Variants in FBXO4 observed in about 807,000 individuals in gnomAD.
FBXO4 encodes F-box protein 4, also known as F-box only protein 4.
FBXO4 carries 36 observed loss-of-function variants against 43.7 expected under a neutral mutation model. The observed-to-expected ratio is 0.82, with a 90% CI of 0.63 to 1.09. FBXO4 has a LOEUF of 1.09. FBXO4 is among the 50% of genes least tolerant of loss of function. The probability of loss-of-function intolerance (pLI) is 0.00; values close to 1 mark genes in which losing one functional copy is unlikely to be tolerated. For synonymous variants in FBXO4, 180 were observed against 165.6 expected (o/e 1.09, Z -0.67); for missense variants, 435 against 474.1 (o/e 0.92, Z 0.77).
chr5:41,927,226 G>T lies in FBXO4; in HGVS notation c.403G>T (p.Ala135Ser). Residue 135 changes from alanine to serine, a missense_variant, in exon 2 of 7, where the codon GCA (alanine) becomes TCA (serine). Coordinates refer to ENST00000281623, the MANE Select transcript of FBXO4 (RefSeq NM_012176.3). ...KKPISEVTDGAFFDYMAVYRM... is the reference protein window; with the variant it reads ...KKPISEVTDGSFFDYMAVYRM... ...GCCTATATCTGAGGTCACTGATGGT[G>T]CATTTTTTGACTACATGGCAGTGTA... 1 of 1,603,344 alleles carries T rather than the reference G, an allele frequency of 6.2e-7. No homozygotes were observed. Among genetic ancestry groups the T allele is most frequent in the Non-Finnish European group, 8.5e-7 (1 of 1,176,920 alleles).
the FBXO4 span, among the ~76,000 whole-genome samples, chr5:42,002,863 C>T: frequency 6.6e-6 from 1 of 152,140 alleles, no homozygotes; most frequent in Non-Finnish European, 1.5e-5. Context: ...TCAGTATACT[C>T]ATGCCCTGGT....
chr5:41,970,288 C>A, the FBXO4 span, among the ~76,000 whole-genome samples: 1 of 151,944 alleles, frequency 6.6e-6, no homozygotes. Flanking sequence ...TATATCTTTA[C>A]CTTGGCTAGA....
the FBXO4 span, among the ~76,000 whole-genome samples, chr5:42,005,051 T>G: frequency 1.3e-5 from 2 of 152,156 alleles, no homozygotes; most frequent in African/African-American, 4.8e-5. Flanking sequence ...GGTAATATAA[T>G]GCTTCTCTCT....
At chr5:41,975,522 G>A in the FBXO4 span, among the ~76,000 whole-genome samples, 3 of 152,032 alleles carry the variant, frequency 2.0e-5, no homozygotes, top group Non-Finnish European at 4.4e-5. Context: ...GAGTATATAT[G>A]GTATATAGTT....
chr5:41,999,397 T>C, the FBXO4 span, among the ~76,000 whole-genome samples: 2 of 143,860 alleles, frequency 1.4e-5, no homozygotes, highest in Non-Finnish European at 3.0e-5. Flanking sequence ...GTGATATATA[T>C]ATATTTATAT....
chr5:41,949,942 C>A, the FBXO4 span, among the ~76,000 whole-genome samples: 1 of 152,088 alleles, frequency 6.6e-6, no homozygotes, highest in Non-Finnish European at 1.5e-5. Context: ...TTTGACAAAC[C>A]TGACAAAAAC....
chr5:42,006,731 T>C, the FBXO4 span, among the ~76,000 whole-genome samples: 1 of 151,438 alleles, frequency 6.6e-6, no homozygotes, highest in East Asian at 1.9e-4. Flanking sequence ...AGAGAAATTT[T>C]AGGCAAACCA....
At chr5:41,953,322 G>A in the FBXO4 span, among the ~76,000 whole-genome samples, 1 of 151,600 alleles carries the variant, frequency 6.6e-6, no homozygotes, top group African/African-American at 2.4e-5. Context: ...CAAAGGACAT[G>A]AACTCATCAT....
At chr5:42,035,352 A>G in the FBXO4 span, among the ~76,000 whole-genome samples, 1 of 152,052 alleles carries the variant, frequency 6.6e-6, no homozygotes, top group Non-Finnish European at 1.5e-5. Flanking sequence ...AGAACTTCCA[A>G]TAGTATGTTG....
the FBXO4 span, among the ~76,000 whole-genome samples, chr5:42,040,154 T>C: frequency 1.1e-3 from 162 of 152,206 alleles, 1 homozygote; most frequent in African/African-American, 3.6e-3. Flanking sequence ...TACACCTCCC[T>C]TTTGCAAGAT....
At chr5:41,967,965 G>C in the FBXO4 span, 8 of 492,164 alleles carry the variant, frequency 1.6e-5, no homozygotes, top group Non-Finnish European at 1.7e-5. Flanking sequence ...GAGTTTTGCT[G>C]ACCAGAGCCA....
the FBXO4 span, among the ~76,000 whole-genome samples, chr5:41,955,142 G>A: frequency 6.6e-6 from 1 of 152,134 alleles, no homozygotes; most frequent in East Asian, 1.9e-4. Flanking sequence ...TACAGTCAAT[G>A]TACTTTCACA....
At chr5:41,960,346 CT>C in the FBXO4 span, among the ~76,000 whole-genome samples, 1 of 151,718 alleles carries the variant, frequency 6.6e-6, no homozygotes, top group African/African-American at 2.4e-5. Context: ...CTTTATTTTT[CT>C]TTTGTCTAGC....
chr5:42,032,057 CTGTGTGTGTGTGTGTGTGTGTGTG>C, the FBXO4 span, among the ~76,000 whole-genome samples: 2 of 139,234 alleles, frequency 1.4e-5, no homozygotes, highest in Non-Finnish European at 3.1e-5. Flanking sequence ...GTCTTTTTTT[CTGTGTGTGTGTGTGTGTGTGTGTG>C]TGTGTGTGTG....
chr5:41,997,825 G>T, the FBXO4 span, among the ~76,000 whole-genome samples: 3 of 152,134 alleles, frequency 2.0e-5, no homozygotes, highest in Non-Finnish European at 4.4e-5. Context: ...ATGGGAAAAA[G>T]ATTAACAACA....
chr5:41,974,858 A>C, the FBXO4 span, among the ~76,000 whole-genome samples: 782 of 152,256 alleles, frequency 5.1e-3, 8 homozygotes, highest in African/African-American at 0.018. Context: ...GTTAAATACT[A>C]GTCATGTTAC....
At chr5:41,994,253 A>T in the FBXO4 span, among the ~76,000 whole-genome samples, 4 of 152,270 alleles carry the variant, frequency 2.6e-5, no homozygotes, top group African/African-American at 4.8e-5. Context: ...AAAAAGTCTT[A>T]TGTCACATGA....
At chr5:41,988,523 C>G in the FBXO4 span, among the ~76,000 whole-genome samples, 2 of 152,052 alleles carry the variant, frequency 1.3e-5, no homozygotes, top group East Asian at 3.8e-4. Context: ...GATGACTGGG[C>G]CCCCTGGATG....
chr5:42,025,641 C>T, the FBXO4 span, among the ~76,000 whole-genome samples: 1 of 151,766 alleles, frequency 6.6e-6, no homozygotes, highest in Non-Finnish European at 1.5e-5. Flanking sequence ...GAGATTTTCC[C>T]CAGCATTTTA....
Sources: gnomAD v4.1 joint callset for allele counts (sites outside exome capture counted in the v4.1 genomes callset) on GRCh38, gnomAD v4.1.1 for gene constraint, MANE v1.5 for transcripts, NCBI Gene and HGNC (gene_info 2026-07-23, HGNC 2026-07-21) for gene names.